SLC24A2: variants seen among roughly 807,000 people sequenced by gnomAD.
The protein encoded by SLC24A2 is solute carrier family 24 member 2.
SLC24A2 carries 36 observed loss-of-function variants against 62.0 expected under a neutral mutation model. The observed-to-expected ratio is 0.58, with a 90% CI of 0.44 to 0.77. The LOEUF (loss-of-function observed/expected upper bound fraction) is 0.77. Among genes scored for constraint, SLC24A2 ranks in the 30% least tolerant of loss-of-function variants. The pLI, the probability that SLC24A2 is intolerant of heterozygous loss-of-function variation, is 0.00. For synonymous variants in SLC24A2, 358 were observed against 294.0 expected, an observed-to-expected ratio of 1.22 and a Z score of -2.23; for missense variants, 846 against 817.9, an observed-to-expected ratio of 1.03 and a Z score of -0.42.
At chr9:19,765,674 T>C (rs1822492740) in intron 2 of SLC24A2, among the ~76,000 whole-genome samples, 1 of 152,234 alleles carries the variant, frequency 6.6e-6, no homozygotes, top group South Asian at 2.1e-4. Flanking sequence ...CTGCTGTTAG[T>C]CTGATGGCTT....
At chr9:19,673,078 A>G (rs1020898021) in intron 2 of SLC24A2, among the ~76,000 whole-genome samples, 3 of 146,276 alleles carry the variant, frequency 2.1e-5, no homozygotes, top group Non-Finnish European at 4.4e-5. Context: ...GTTTAAATCC[A>G]TTGTTTCTTT....
chr9:20,042,230 G>T, the SLC24A2 span, among the ~76,000 whole-genome samples: 1 of 152,156 alleles, frequency 6.6e-6, no homozygotes, highest in East Asian at 1.9e-4. Flanking sequence ...ATAATAAGCA[G>T]GAAGAAATGG....
the SLC24A2 span, among the ~76,000 whole-genome samples, chr9:20,232,371 T>G: frequency 1.3e-5 from 2 of 152,252 alleles, no homozygotes; most frequent in East Asian, 1.9e-4. Flanking sequence ...GTCCTGGAGT[T>G]TTTTTGGTTG....
At chr9:19,524,137 CAAAAAAAA>C (rs57173482) in intron 9 of SLC24A2, among the ~76,000 whole-genome samples, 8 of 84,712 alleles carry the variant, frequency 9.4e-5, no homozygotes, top group Admixed American at 1.5e-4. Context: ...ACTTCATTTT[CAAAAAAAA>C]AAAAAAAAAA....
chr9:19,894,039 C>T, the SLC24A2 span, among the ~76,000 whole-genome samples: 1 of 152,204 alleles, frequency 6.6e-6, no homozygotes, highest in South Asian at 2.1e-4. Context: ...ACTTGCCCAG[C>T]TGCAAGAGAG....
chr9:19,536,145 C>CT (rs536617129), intron 8 of SLC24A2, among the ~76,000 whole-genome samples: 2,998 of 114,716 alleles, frequency 0.026, 84 homozygotes, highest in African/African-American at 0.078. Context: ...CTCTGTTTGT[C>CT]TTTTTTTTTT....
At chr9:20,108,898 A>G in the SLC24A2 span, among the ~76,000 whole-genome samples, 1 of 120,156 alleles carries the variant, frequency 8.3e-6, no homozygotes, top group Non-Finnish European at 1.8e-5. Flanking sequence ...AATTTTTAAA[A>G]TAGTCATGTG....
chr9:20,156,835 G>A, the SLC24A2 span, among the ~76,000 whole-genome samples: 1 of 151,722 alleles, frequency 6.6e-6, no homozygotes, highest in East Asian at 2.0e-4. Context: ...TATTGCTGCA[G>A]TACTGCAACA....
chr9:20,290,477 TG>T, the SLC24A2 span, among the ~76,000 whole-genome samples: 41 of 152,354 alleles, frequency 2.7e-4, no homozygotes, highest in African/African-American at 9.9e-4. Context: ...AAGCAGTTGC[TG>T]ATATCCACAT....
At chr9:19,823,509 A>G in the SLC24A2 span, among the ~76,000 whole-genome samples, 2 of 152,124 alleles carry the variant, frequency 1.3e-5, no homozygotes, top group African/African-American at 2.4e-5. Context: ...CATGCCTGTA[A>G]TCCCAGCTAC....
intron 2 of SLC24A2, among the ~76,000 whole-genome samples, chr9:19,732,536 T>C (rs1437778730): frequency 6.6e-6 from 1 of 152,254 alleles, no homozygotes; most frequent in Non-Finnish European, 1.5e-5. Context: ...TGTTGTGATC[T>C]ATGCATAAAT....
At chr9:19,964,376 A>C in the SLC24A2 span, among the ~76,000 whole-genome samples, 1 of 152,074 alleles carries the variant, frequency 6.6e-6, no homozygotes, top group Non-Finnish European at 1.5e-5. Context: ...AAATAATAAT[A>C]ATAATAATAA....
the SLC24A2 span, among the ~76,000 whole-genome samples, chr9:20,122,958 C>T: frequency 7.4e-4 from 112 of 152,298 alleles, no homozygotes; most frequent in Admixed American, 1.9e-3. Flanking sequence ...CAGCTCTTGT[C>T]TTAAAGACCA....
At chr9:20,132,663 T>C in the SLC24A2 span, among the ~76,000 whole-genome samples, 1 of 152,158 alleles carries the variant, frequency 6.6e-6, no homozygotes, top group Non-Finnish European at 1.5e-5. Context: ...TCTGCCAGTA[T>C]GTCTGTCAAT....
At chr9:19,903,576 G>A in the SLC24A2 span, among the ~76,000 whole-genome samples, 1 of 152,170 alleles carries the variant, frequency 6.6e-6, no homozygotes, top group Non-Finnish European at 1.5e-5. Flanking sequence ...CACTCAGGTA[G>A]GCTGCAGCAA....
chr9:19,884,254 A>T, the SLC24A2 span, among the ~76,000 whole-genome samples: 1 of 138,186 alleles, frequency 7.2e-6, no homozygotes, highest in African/African-American at 2.7e-5. Flanking sequence ...TTTTTAAGAA[A>T]TTCAGTGTTT....
At chr9:19,521,717 G>T (rs1176264856) in intron 9 of SLC24A2, among the ~76,000 whole-genome samples, 1 of 152,150 alleles carries the variant, frequency 6.6e-6, no homozygotes, top group South Asian at 2.1e-4. Flanking sequence ...ATATGTCATT[G>T]ATCCTCACTT....
intron 2 of SLC24A2, among the ~76,000 whole-genome samples, chr9:19,645,702 G>C (rs1305336126): frequency 6.6e-6 from 1 of 152,090 alleles, no homozygotes; most frequent in Non-Finnish European, 1.5e-5. Context: ...CCATGGCTCT[G>C]GATACACCCC....
At chr9:20,231,055 A>T in the SLC24A2 span, among the ~76,000 whole-genome samples, 1 of 151,922 alleles carries the variant, frequency 6.6e-6, no homozygotes, top group East Asian at 1.9e-4. Flanking sequence ...GATATGCCGC[A>T]TTATTTCTGA....
Sources: gnomAD v4.1 joint callset for allele counts (sites outside exome capture counted in the v4.1 genomes callset) on GRCh38, gnomAD v4.1.1 for gene constraint, MANE v1.5 for transcripts, NCBI Gene and HGNC (gene_info 2026-07-23, HGNC 2026-07-21) for gene names.